Variants in LYSET observed in about 807,000 individuals in gnomAD.
LYSET encodes lysosomal enzyme trafficking factor, also known as GNPTAB cleavage and activity factor.
chr14:93,186,624 G>A, the LYSET span: 11 of 1,613,752 alleles, frequency 6.8e-6, no homozygotes, highest in Non-Finnish European at 7.6e-6. Flanking sequence ...CCAGGCATTT[G>A]TCAAGGCTTC....
the LYSET span, among the ~76,000 whole-genome samples, chr14:93,187,433 T>TA: frequency 6.6e-6 from 1 of 151,964 alleles, no homozygotes; most frequent in Non-Finnish European, 1.5e-5. Context: ...TATTTTTAAT[T>TA]AAAAAAATTT....
chr14:93,187,879 CCTAA>C, the LYSET span, among the ~76,000 whole-genome samples: 11 of 151,754 alleles, frequency 7.2e-5, no homozygotes, highest in African/African-American at 2.2e-4. Context: ...AAACTCCTCA[CCTAA>C]CTAAGGTAAT....
the LYSET span, chr14:93,186,731 C>A: frequency 6.7e-7 from 1 of 1,487,362 alleles, no homozygotes; most frequent in South Asian, 1.4e-5. Context: ...GGAGTCTGAT[C>A]ACAAGACTGC....
the LYSET span, chr14:93,185,502 T>A: frequency 6.2e-7 from 1 of 1,604,900 alleles, no homozygotes; most frequent in South Asian, 1.1e-5. Context: ...GCTTAGGAGT[T>A]ACTGTCTTAA....
chr14:93,185,027 A>G, the LYSET span: 15 of 150,968 alleles, frequency 9.9e-5, no homozygotes, highest in Admixed American at 6.6e-5. Context: ...ACCACGGGAC[A>G]GGAAGGTGAG....
the LYSET span, chr14:93,185,393 G>T: frequency 1.2e-6 from 2 of 1,611,140 alleles, no homozygotes; most frequent in South Asian, 2.2e-5. Context: ...ATTTTATGTT[G>T]GCTTTCTCTG....
At chr14:93,186,765 G>A in the LYSET span, 1 of 1,354,982 alleles carries the variant, frequency 7.4e-7, no homozygotes. Flanking sequence ...ATCTCAGGAA[G>A]TTGTCGTGGG....
At chr14:93,186,902 T>G in the LYSET span, 2 of 472,460 alleles carry the variant, frequency 4.2e-6, no homozygotes, top group African/African-American at 4.0e-5. Flanking sequence ...GGAAGTTAAA[T>G]CATGTCTGTT....
chr14:93,187,977 G>A, the LYSET span, among the ~76,000 whole-genome samples: 1 of 151,084 alleles, frequency 6.6e-6, no homozygotes, highest in Non-Finnish European at 1.5e-5. Context: ...TATTTATTTT[G>A]AGATGGAGTC....
At chr14:93,186,134 G>A in the LYSET span, 4 of 855,060 alleles carry the variant, frequency 4.7e-6, no homozygotes, top group East Asian at 5.0e-5. Context: ...CTCCCAAAGT[G>A]CTGGGATTAC....
chr14:93,187,678 A>T, the LYSET span, among the ~76,000 whole-genome samples: 36,242 of 152,030 alleles, frequency 0.24, 4,420 homozygotes, highest in East Asian at 0.28. Flanking sequence ...GTCACCCAGG[A>T]TGGAGTGCAG....
the LYSET span, chr14:93,186,622 T>G: frequency 6.2e-7 from 1 of 1,613,928 alleles, no homozygotes; most frequent in South Asian, 1.1e-5. Context: ...CACCAGGCAT[T>G]TGTCAAGGCT....
the LYSET span, chr14:93,186,120 C>T: frequency 2.7e-6 from 2 of 738,536 alleles, no homozygotes; most frequent in South Asian, 1.8e-5. Context: ...CCACCCGCCT[C>T]AGCCTCCCAA....
At chr14:93,186,666 AC>A in the LYSET span, 1 of 1,587,814 alleles carries the variant, frequency 6.3e-7, no homozygotes, top group African/African-American at 1.4e-5. Context: ...ACTGATTGAC[AC>A]GTAAAATCAG....
At chr14:93,185,291 C>T in the LYSET span, 4 of 1,000,900 alleles carry the variant, frequency 4.0e-6, no homozygotes, top group Admixed American at 4.6e-5. Flanking sequence ...CGCGCGTGAC[C>T]CGCCGCAGTC....
chr14:93,186,395 A>C, the LYSET span: 1 of 1,614,222 alleles, frequency 6.2e-7, no homozygotes, highest in Non-Finnish European at 8.5e-7. Context: ...TGGCCTTGGA[A>C]CACATTCAAC....
chr14:93,184,995 C>G, the LYSET span: 15 of 158,772 alleles, frequency 9.4e-5, no homozygotes, highest in African/African-American at 3.4e-4. The surrounding 1 kb of genome is among the most constrained non-coding windows in gnomAD (Gnocchi z 4.2). Context: ...CGGCGGCATC[C>G]GGGACGGCGG....
At chr14:93,188,271 G>T in the LYSET span, among the ~76,000 whole-genome samples, 2 of 152,180 alleles carry the variant, frequency 1.3e-5, no homozygotes, top group African/African-American at 4.8e-5. Flanking sequence ...AGGTAATTTA[G>T]TCCAGTCCTT....
At chr14:93,186,571 A>C in the LYSET span, 2 of 1,614,242 alleles carry the variant, frequency 1.2e-6, no homozygotes, top group Non-Finnish European at 1.7e-6. Context: ...ACAGTGGGCT[A>C]CTGTATCATC....
Sources: allele counts gnomAD v4.1 joint callset (sites outside exome capture counted in the v4.1 genomes callset), GRCh38; gene constraint gnomAD v4.1.1; non-coding constraint Gnocchi (gnomAD v3.1); transcripts MANE v1.5; gene names NCBI Gene and HGNC (gene_info 2026-07-23, HGNC 2026-07-21).